Variants in AMIGO2 observed in about 807,000 individuals in gnomAD.
AMIGO2 encodes the protein adhesion molecule with Ig like domain 2.
AMIGO2 carries 15 observed loss-of-function variants against 23.7 expected under a neutral mutation model. The observed-to-expected ratio is 0.63, with a 90% confidence interval of 0.42 to 0.98. The LOEUF (loss-of-function observed/expected upper bound fraction) is 0.98. Among genes scored for constraint, AMIGO2 ranks in the 50% least tolerant of loss-of-function variants. AMIGO2 has a pLI of 0.00. For synonymous variants in AMIGO2, 264 were observed against 252.3 expected (o/e 1.05, Z -0.44); for missense variants, 561 against 633.1 (o/e 0.89, Z 1.22).
In AMIGO2 at chr12:47,079,194, C is replaced by T. The variant is rs1941912352; in HGVS notation, c.-116G>A. On this transcript the variant is annotated 5_prime_UTR_variant, in exon 2 of 3. Transcript: ENST00000550413. ...ATGGGTTTTATTTCACAATAGGGAG[C>T]TCTGTGTTGCCTCTTCACTGTTAAA... is the stretch of plus-strand genomic sequence containing the variant. The T allele has an allele frequency of 1.4e-6, 1 of 704,084 alleles. No individual in the cohort carries two copies. Among genetic ancestry groups the T allele is most frequent in the Non-Finnish European group, 2.2e-6 (1 of 452,332 alleles). The allele number at this position is 704,084 out of a possible 1,614,324, so 43.6% of individuals were successfully genotyped here. A position where few individuals can be genotyped will look rare whatever the true frequency, so the allele number is the denominator to read the frequency against.
chr12:47,077,244 C>A lies in AMIGO2; in HGVS notation c.*190G>T. 1 of 807,292 alleles carries A rather than the reference C, an allele frequency of 1.2e-6. No individual in the cohort carries two copies. Among genetic ancestry groups the A allele is most frequent in the Non-Finnish European group, 1.8e-6 (1 of 540,624 alleles). 50.0% of individuals were successfully genotyped at this position (807,292 alleles called of 1,614,324 possible). A position where few individuals can be genotyped will look rare whatever the true frequency, so the allele number is the denominator to read the frequency against. The stretch of plus-strand genomic sequence containing the variant: ...AGAACTTAAACTTTGGAAAACAACC[C>A]CATCTTTCTATGGCACATTGAGGAA... On this transcript the variant is annotated 3_prime_UTR_variant, in exon 3 of 3. Transcript: ENST00000550413.
chr12:47,077,577 C>CAGT lies in AMIGO2; in HGVS notation c.1423_1425dup (p.Thr475dup). Reference sequence around the variant, plus strand: ...CTGACTTTCCCGTTCTGCCCTGCTGCAGTATCCTTCAGGGGTTCCAAAAAC... The same window carrying CAGT: ...CTGACTTTCCCGTTCTGCCCTGCTGCAGTAGTATCCTTCAGGGGTTCCAAAAAC... On this transcript the variant is annotated inframe_insertion, in exon 3 of 3. Coordinates refer to ENST00000550413, the MANE Select transcript of AMIGO2 (RefSeq NM_001370299.1). 1.2e-6 allele frequency: 2 copies of CAGT among 1,614,212 alleles called. No homozygotes were observed. Among genetic ancestry groups the CAGT allele is most frequent in the Non-Finnish European group, 1.7e-6 (2 of 1,180,028 alleles).
chr12:47,078,961 G>A lies in AMIGO2; in HGVS notation c.42C>T (p.Ala14=), dbSNP rs1381927639. The A allele has an allele frequency of 2.2e-5, 36 of 1,613,388 alleles. No individual in the cohort carries two copies. Among genetic ancestry groups the A allele is most frequent in the Non-Finnish European group, 3.0e-5 (35 of 1,179,698 alleles). The change falls in exon 3 of 3, where the codon GCC becomes GCT. Residue 14 remains alanine, a synonymous_variant. Transcript: ENST00000550413. ...GCTCCCTGCAGCCCGGTCTGACGAC[G>A]GCTCCAAGCAGGGTGGGCAGAGTGT... The part of the protein sequence containing the change: ...RVHTLPTLLG[A]VVRPGCRELL...
In AMIGO2 at chr12:47,078,867, T is replaced by G; in HGVS notation, c.136A>C (p.Ile46Leu). ...CAGCTGACGATGTCAGTGGCACAGA[T>G]GCAAGCGGTGGGGCACACCCCAGAG... ...GASGVCPTAC[I>L]CATDIVSCTN... Residue 46 changes from isoleucine (I) to leucine (L), a missense_variant, in exon 3 of 3, where the codon ATC becomes CTC. By Grantham distance (5) the Ile-to-Leu change is conservative. Coordinates refer to ENST00000550413, the MANE Select transcript of AMIGO2 (RefSeq NM_001370299.1). 1 of 1,614,212 alleles carries G rather than the reference T, an allele frequency of 6.2e-7. No individual in the cohort carries two copies.
In AMIGO2 at chr12:47,078,786, G is replaced by C; in HGVS notation, c.217C>G (p.Leu73Val). 2 of 1,614,204 alleles carry C rather than the reference G, an allele frequency of 1.2e-6. No homozygotes were observed. Among genetic ancestry groups the C allele is most frequent in the Non-Finnish European group, 1.7e-6 (2 of 1,180,038 alleles). Reference protein sequence around the residue: ...PGNLFRLIKRLDLSYNRIGLL... With the variant: ...PGNLFRLIKRVDLSYNRIGLL... Reference sequence around the variant, plus strand: ...CCAATTCTGTTATAACTCAGGTCCAGTCTCTTAATCAGTCTGAAAAGGTTC... The same window carrying C: ...CCAATTCTGTTATAACTCAGGTCCACTCTCTTAATCAGTCTGAAAAGGTTC... The change falls in exon 3 of 3, where the codon CTG becomes GTG. Residue 73 changes from leucine (L) to valine (V), a missense_variant. Coordinates refer to ENST00000550413, the MANE Select transcript of AMIGO2 (RefSeq NM_001370299.1).
downstream of AMIGO2, chr12:47,076,116 A>C (rs1022568788): frequency 2.0e-5 from 3 of 152,376 alleles, no homozygotes; most frequent in African/African-American, 7.2e-5. Context: ...GAGTTTCAGA[A>C]AGCAAGTATA....
At position 47,077,894 on chromosome 12, in the gene AMIGO2, C is replaced by A. The variant is rs527243356; in HGVS notation, c.1109G>T (p.Arg370Leu). 6.2e-7 allele frequency: 1 copy of A among 1,614,108 alleles called. No homozygotes were observed. ...GACGTCCACAGTTTCATTTAACAGG[C>A]GTTGCTTATTCATTGCGATACAAGA... ...VYSCIAMNKQ[R>L]LLNETVDVTI... The change falls in exon 3 of 3, where the codon CGC (arginine) becomes CTC (leucine). Residue 370 changes from arginine to leucine, a missense_variant. Arg to Leu is a moderately radical substitution (Grantham distance 102, BLOSUM62 -2). Transcript: ENST00000550413.
Position 47,078,044 on chromosome 12 carries a change from T to C in AMIGO2, c.959A>G (p.Asp320Gly). 1 of 1,614,126 alleles carries C rather than the reference T, an allele frequency of 6.2e-7. No individual in the cohort carries two copies. The change falls in exon 3 of 3, where the codon GAT becomes GGT. Residue 320 changes from aspartate to glycine, a missense_variant. Transcript: ENST00000550413. ...CDSKTGNANT[D>G]FIWVGPDNRL... ...GTTATCTGGACCCACCCAGATGAAA[T>C]CCGTATTTGCATTACCTGTCTTGCT...
chr12:47,077,218 T>C lies in AMIGO2; in HGVS notation c.*216A>G, dbSNP rs747437947. On this transcript the variant is annotated 3_prime_UTR_variant, in exon 3 of 3. Coordinates refer to ENST00000550413, the MANE Select transcript of AMIGO2 (RefSeq NM_001370299.1). Reference sequence around the variant, plus strand: ...TGCTAAAAGCTAAGATATTGTGATCTAGAACTTAAACTTTGGAAAACAACC... The same window carrying C: ...TGCTAAAAGCTAAGATATTGTGATCCAGAACTTAAACTTTGGAAAACAACC... 9.5e-6 allele frequency: 6 copies of C among 633,338 alleles called. No individual in the cohort carries two copies. Among genetic ancestry groups the C allele is most frequent in the Non-Finnish European group, 1.5e-5 (6 of 388,490 alleles). The allele number at this position is 633,338 out of a possible 1,614,324, so 39.2% of individuals were successfully genotyped here. A position where few individuals can be genotyped will look rare whatever the true frequency, so the allele number is the denominator to read the frequency against.
In AMIGO2 at chr12:47,077,879, G is replaced by A. The variant is rs1941881355; in HGVS notation, c.1124C>T (p.Thr375Ile). The A allele has an allele frequency of 6.2e-7, 1 of 1,614,042 alleles. No homozygotes were observed. Among genetic ancestry groups the A allele is most frequent in the Non-Finnish European group, 8.5e-7 (1 of 1,180,040 alleles). ...GCTCACATTTATTGTGACGTCCACA[G>A]TTTCATTTAACAGGCGTTGCTTATT... Reference protein sequence around the residue: ...AMNKQRLLNETVDVTINVSNF... With the variant: ...AMNKQRLLNEIVDVTINVSNF... The change falls in exon 3 of 3, where the codon ACT (threonine) becomes ATT (isoleucine). Residue 375 changes from threonine to isoleucine, a missense_variant. Thr to Ile is a moderately conservative substitution (Grantham distance 89, BLOSUM62 -1). Transcript: ENST00000550413.
downstream of AMIGO2, chr12:47,076,278 A>C (rs943447491): frequency 6.6e-6 from 1 of 152,222 alleles, no homozygotes; most frequent in Admixed American, 6.5e-5. Flanking sequence ...AGACAGGATA[A>C]TAAGGAGGTC....
rs761102831 is a variant in AMIGO2 at position 47,078,796 on chromosome 12, C to A, written c.207G>T (p.Leu69=). The A allele has an allele frequency of 1.2e-6, 2 of 1,614,218 alleles. No individual in the cohort carries two copies. Among genetic ancestry groups the A allele is most frequent in the East Asian group, 2.2e-5 (1 of 44,882 alleles). ...TATAACTCAGGTCCAGTCTCTTAAT[C>A]AGTCTGAAAAGGTTCCCAGGCACCT... is the stretch of plus-strand genomic sequence containing the variant. ...LSKVPGNLFR[L]IKRLDLSYNR... The change falls in exon 3 of 3, where the codon CTG becomes CTT. Residue 69 remains leucine, a synonymous_variant. Coordinates refer to ENST00000550413, the MANE Select transcript of AMIGO2 (RefSeq NM_001370299.1).
In AMIGO2 at chr12:47,078,928, A is replaced by G. The variant is rs1941904866; in HGVS notation, c.75T>C (p.Cys25=). 1 of 1,614,180 alleles carries G rather than the reference A, an allele frequency of 6.2e-7. No homozygotes were observed. The highest frequency in any genetic ancestry group is 8.5e-7 in the Non-Finnish European group (1 of 1,180,036). ...CCACAGTCACTGTGATCATCAGCAA[A>G]CACAGCAGCTCCCTGCAGCCCGGTC... ...VVRPGCRELL[C]LLMITVTVGP... is the part of the protein sequence containing the mutation. Residue 25 remains cysteine (C), a synonymous_variant, in exon 3 of 3, where the codon TGT becomes TGC. Coordinates refer to ENST00000550413, the MANE Select transcript of AMIGO2 (RefSeq NM_001370299.1).
At position 47,077,249 on chromosome 12, in the gene AMIGO2, T is replaced by C. The variant is rs1941866844; in HGVS notation, c.*185A>G. On this transcript the variant is annotated 3_prime_UTR_variant, in exon 3 of 3. Transcript: ENST00000550413. ...TTAAACTTTGGAAAACAACCCCATCTTTCTATGGCACATTGAGGAACTGAA... is the reference window on the plus strand; with the variant it reads ...TTAAACTTTGGAAAACAACCCCATCCTTCTATGGCACATTGAGGAACTGAA... The C allele has an allele frequency of 4.7e-6, 4 of 850,020 alleles. No homozygotes were observed. Among genetic ancestry groups the C allele is most frequent in the Non-Finnish European group, 6.9e-6 (4 of 577,864 alleles). The allele number at this position is 850,020 out of a possible 1,614,324, so 52.7% of individuals were successfully genotyped here.
rs757889042 is a variant in AMIGO2, at chr12:47,079,446, C to T, written c.-171+16G>A. ...ACGGAAATACTTAGCAACCACCCAT[C>T]CAGGAAAAAACTCACGGTGCTGGGG... On this transcript the variant is annotated intron_variant, in intron 1 of 2. Coordinates refer to ENST00000550413, the MANE Select transcript of AMIGO2 (RefSeq NM_001370299.1). 21 of 154,046 alleles carry T rather than the reference C, an allele frequency of 1.4e-4. No individual in the cohort carries two copies. The highest frequency in any genetic ancestry group is 2.3e-4 in the Non-Finnish European group (16 of 69,424). 9.5% of individuals were successfully genotyped at this position (154,046 alleles called of 1,614,324 possible). A position where few individuals can be genotyped will look rare whatever the true frequency, so the allele number is the denominator to read the frequency against.
Position 47,077,959 on chromosome 12 carries a change from C to T in AMIGO2, c.1044G>A (p.Leu348=), listed in dbSNP as rs767084155. Residue 348 remains leucine, a synonymous_variant, in exon 3 of 3, where the codon CTG becomes CTA. Transcript: ENST00000550413. Reference sequence around the variant, plus strand: ...CCTCAAAACGAGGGCTTTCTATAACCAGACTTCCATTGTGAAACACGTAAA... The same window carrying T: ...CCTCAAAACGAGGGCTTTCTATAACTAGACTTCCATTGTGAAACACGTAAA... The part of the protein sequence containing the change: ...ENFYVFHNGS[L]VIESPRFEDA... 1.5e-5 allele frequency: 24 copies of T among 1,613,686 alleles called. No homozygotes were observed. Among genetic ancestry groups the T allele is most frequent in the Admixed American group, 1.0e-4 (6 of 60,008 alleles).
rs1941863944 is a variant in AMIGO2, at chr12:47,077,048, TTAAAA to T, written c.*381_*385del. The stretch of plus-strand genomic sequence containing the variant: ...TGAAATTGGACACTAGTGTTTTTCT[TTAAAA>T]TAACTCTGGTACTAGTAAGTTAGCA... On this transcript the variant is annotated 3_prime_UTR_variant, in exon 3 of 3. Transcript: ENST00000550413. The T allele has an allele frequency of 6.3e-6, 1 of 158,736 alleles. No individual in the cohort carries two copies. Among genetic ancestry groups the T allele is most frequent in the African/African-American group, 2.4e-5 (1 of 41,592 alleles). 9.8% of individuals were successfully genotyped at this position (158,736 alleles called of 1,614,324 possible).
chr12:47,079,094 G>C lies in AMIGO2; in HGVS notation c.-63-29C>G, dbSNP rs1592113375. On this transcript the variant is annotated intron_variant, in intron 2 of 2. Transcript: ENST00000550413. ...GCAAACAATTAATAATTCAGAGGGA[G>C]TAAAAAGCAGAAACTGACTACCACT... is the stretch of plus-strand genomic sequence containing the variant. The C allele has an allele frequency of 4.0e-6, 6 of 1,496,076 alleles. No individual in the cohort carries two copies. The East Asian group carries it at 9.1e-5, about 23-fold the overall frequency. The allele number at this position is 1,496,076 out of a possible 1,614,324, so 92.7% of individuals were successfully genotyped here.
chr12:47,077,564 T>C lies in AMIGO2; in HGVS notation c.1439A>G (p.Asn480Ser), dbSNP rs778411828. The C allele has an allele frequency of 1.2e-6, 2 of 1,614,208 alleles. No individual in the cohort carries two copies. Among genetic ancestry groups the C allele is most frequent in the South Asian group, 1.1e-5 (1 of 91,086 alleles). Residue 480 changes from asparagine (N) to serine (S), a missense_variant, in exon 3 of 3, where the codon AAC becomes AGC. Physicochemically the swap from Asn to Ser is conservative, Grantham distance 46 (BLOSUM62 1). Transcript: ENST00000550413. ...GCTGGGAAAGAGCCTGACTTTCCCGTTCTGCCCTGCTGCAGTATCCTTCAG... is the reference window on the plus strand; with the variant it reads ...GCTGGGAAAGAGCCTGACTTTCCCGCTCTGCCCTGCTGCAGTATCCTTCAG... ...EPLKDTAAGQ[N>S]GKVRLFPSEA...
Sources: allele counts gnomAD v4.1 joint callset, GRCh38; gene constraint gnomAD v4.1.1; transcripts MANE v1.5; gene names NCBI Gene and HGNC (gene_info 2026-07-23, HGNC 2026-07-21).